The following AZI2 variants were observed in gnomAD, a reference collection of about 807,000 sequenced individuals.
AZI2 encodes the protein 5-azacytidine-induced protein 2.
In AZI2, 22 loss-of-function variants were observed where a neutral mutation model predicts 45.8. The ratio of observed to expected loss-of-function variants is 0.48; its 90% CI spans 0.34 to 0.69. The LOEUF (loss-of-function observed/expected upper bound fraction) is 0.69. Among genes scored for constraint, AZI2 ranks in the 30% least tolerant of loss-of-function variants. The pLI, the probability that AZI2 is intolerant of heterozygous loss-of-function variation, is 0.01. For synonymous variants in AZI2, 137 were observed against 156.7 expected (o/e 0.87, Z 0.94); for missense variants, 417 against 441.5 (o/e 0.94, Z 0.50).
chr3:28,337,739 A>G (rs187698774), intron 4 of AZI2, among the ~76,000 whole-genome samples, 198 bp downstream of exon 4: 50 of 152,296 alleles, frequency 3.3e-4, no homozygotes, highest in African/African-American at 8.9e-4. Context: ...TTCTCTAGGA[A>G]AAGTGCAATA....
chr3:28,346,816 T>C (rs1704252469), intron 1 of AZI2, among the ~76,000 whole-genome samples: 1 of 152,200 alleles, frequency 6.6e-6, no homozygotes, highest in South Asian at 2.1e-4. Flanking sequence ...CAAGTACCTC[T>C]TTTCAAAACA....
rs1703173368 is a variant in AZI2, at chr3:28,321,077, ATTTTAC to A, written c.*2959_*2964del. Reference sequence around the variant, plus strand: ...TCTTGAGTGAACCACTCAAAAAACTATTTTACTTTTATTTGAAATACAAAGAAACCA... The same window carrying A: ...TCTTGAGTGAACCACTCAAAAAACTATTTTATTTGAAATACAAAGAAACCA... On this transcript the variant is annotated 3_prime_UTR_variant, in exon 8 of 8. Coordinates refer to ENST00000479665, the MANE Select transcript of AZI2 (RefSeq NM_022461.5). 6.6e-6 allele frequency: 1 copy of A among 151,416 alleles called. No homozygotes were observed. The highest frequency in any genetic ancestry group is 1.5e-5 in the Non-Finnish European group (1 of 67,596). The allele number at this position is 151,416 out of a possible 1,614,324, so 9.4% of individuals were successfully genotyped here.
At chr3:28,339,863 T>C (rs1468274064) in intron 2 of AZI2, among the ~76,000 whole-genome samples, 1 of 151,880 alleles carries the variant, frequency 6.6e-6, no homozygotes, top group Non-Finnish European at 1.5e-5. Context: ...TCAGCTACCT[T>C]ACTTATATAT....
In AZI2 at chr3:28,340,492, G is replaced by C. The variant is rs1419907710; in HGVS notation, c.126C>G (p.Val42=). 35 of 1,612,908 alleles carry C rather than the reference G, an allele frequency of 2.2e-5. No homozygotes were observed. Among genetic ancestry groups the C allele is most frequent in the Non-Finnish European group, 3.0e-5 (35 of 1,179,270 alleles). The change falls in exon 2 of 8, where the codon GTC becomes GTG. Residue 42 remains valine, a synonymous_variant. Coordinates refer to ENST00000479665, the MANE Select transcript of AZI2 (RefSeq NM_022461.5). ...DESVASHFAL[V]TAYEDIKKRL... ...GTTTTTTGATGTCTTCATATGCAGT[G>C]ACAAGAGCAAAATGGGAAGCAACAG...
chr3:28,344,079 G>A (rs762866538), intron 1 of AZI2, among the ~76,000 whole-genome samples: 9 of 151,900 alleles, frequency 5.9e-5, no homozygotes, highest in Non-Finnish European at 1.2e-4. Context: ...CTTAGAATAC[G>A]CGGAAAAGCA....
chr3:28,347,010 T>G (rs1019414030), intron 1 of AZI2, among the ~76,000 whole-genome samples: 6 of 152,194 alleles, frequency 3.9e-5, no homozygotes, highest in African/African-American at 2.4e-5. Context: ...TCAAGACTCT[T>G]CCAGAGTTAG....
In AZI2 at chr3:28,323,876, CAACT is replaced by C; in HGVS notation, c.*162_*165del. The C allele has an allele frequency of 1.4e-6, 1 of 690,820 alleles. No individual in the cohort carries two copies. Among genetic ancestry groups the C allele is most frequent in the Non-Finnish European group, 2.3e-6 (1 of 437,232 alleles). 42.8% of individuals were successfully genotyped at this position (690,820 alleles called of 1,614,324 possible). A position where few individuals can be genotyped will look rare whatever the true frequency, so the allele number is the denominator to read the frequency against. ...AGGGTGCTCTTTCATACTAGAAAAC[CAACT>C]ATGTTGGTTTTTGTACTATTGTACA... On this transcript the variant is annotated 3_prime_UTR_variant, in exon 8 of 8. Coordinates refer to ENST00000479665, the MANE Select transcript of AZI2 (RefSeq NM_022461.5).
intron 4 of AZI2, 67 bp from the exon 5 acceptor site, chr3:28,336,952 A>T: frequency 2.0e-6 from 3 of 1,502,578 alleles, no homozygotes; most frequent in Non-Finnish European, 2.7e-6. Flanking sequence ...TCTTAAAAAT[A>T]GGTTATTCTG....
intron 6 of AZI2, among the ~76,000 whole-genome samples, chr3:28,327,368 GTT>G (rs1703425391): frequency 6.6e-6 from 1 of 150,900 alleles, no homozygotes; most frequent in African/African-American, 2.4e-5. Context: ...TCTTTTGATT[GTT>G]TTGACACTGT....
At chr3:28,333,868 C>T (rs1703684862) in intron 5 of AZI2, among the ~76,000 whole-genome samples, 1 of 151,294 alleles carries the variant, frequency 6.6e-6, no homozygotes, top group Admixed American at 6.6e-5. Context: ...ATAGCAGAAC[C>T]TTTAATATAC....
chr3:28,332,065 T>C (rs1703600779), intron 6 of AZI2: 2 of 674,892 alleles, frequency 3.0e-6, no homozygotes. Flanking sequence ...TGAATAATTC[T>C]TCATGTACAA....
chr3:28,323,901 G>A lies in AZI2; in HGVS notation c.*141C>T, dbSNP rs925141771. On this transcript the variant is annotated 3_prime_UTR_variant, in exon 8 of 8. Coordinates refer to ENST00000479665, the MANE Select transcript of AZI2 (RefSeq NM_022461.5). ...CAACTATGTTGGTTTTTGTACTATTGTACAGTGTGTTCAAATATAGATACT... is the reference window on the plus strand; with the variant it reads ...CAACTATGTTGGTTTTTGTACTATTATACAGTGTGTTCAAATATAGATACT... 5 of 932,556 alleles carry A rather than the reference G, an allele frequency of 5.4e-6. No homozygotes were observed. The African/African-American group carries it at 6.8e-5, about 13-fold the overall frequency. 57.8% of individuals were successfully genotyped at this position (932,556 alleles called of 1,614,324 possible).
At position 28,321,820 on chromosome 3, in the gene AZI2, T is replaced by C. The variant is rs540357298; in HGVS notation, c.*2222A>G. 1 of 151,466 alleles carries C rather than the reference T, an allele frequency of 6.6e-6. No individual in the cohort carries two copies. Among genetic ancestry groups the C allele is most frequent in the South Asian group, 2.1e-4 (1 of 4,830 alleles). The allele number at this position is 151,466 out of a possible 1,614,324, so 9.4% of individuals were successfully genotyped here. A position where few individuals can be genotyped will look rare whatever the true frequency, so the allele number is the denominator to read the frequency against. On this transcript the variant is annotated 3_prime_UTR_variant, in exon 8 of 8. Transcript: ENST00000479665. Reference sequence around the variant, plus strand: ...TAAGTCTTACAGATGTAAATTTTACTTTAGCTAATAAGGGAGCAAGAGGAA... The same window carrying C: ...TAAGTCTTACAGATGTAAATTTTACCTTAGCTAATAAGGGAGCAAGAGGAA...
intron 1 of AZI2, among the ~76,000 whole-genome samples, chr3:28,344,730 TGA>T: frequency 6.6e-6 from 1 of 152,238 alleles, no homozygotes; most frequent in South Asian, 2.1e-4. Context: ...AACATTATAC[TGA>T]GTCTTATTTA....
intron 1 of AZI2, among the ~76,000 whole-genome samples, chr3:28,342,913 A>G (rs1332372093): frequency 6.6e-6 from 1 of 152,008 alleles, no homozygotes; most frequent in African/African-American, 2.4e-5. Flanking sequence ...GATTTTTTCT[A>G]AAGACAGCTG....
chr3:28,333,949 AT>A (rs1480621568), intron 5 of AZI2, among the ~76,000 whole-genome samples: 3 of 150,892 alleles, frequency 2.0e-5, no homozygotes, highest in Non-Finnish European at 3.0e-5. Flanking sequence ...AACCAACTTA[AT>A]TTTACTGATC....
intron 1 of AZI2, among the ~76,000 whole-genome samples, chr3:28,346,069 A>G (rs1704212473): frequency 1.3e-5 from 2 of 152,146 alleles, no homozygotes; most frequent in East Asian, 1.9e-4. Context: ...CAAAGGTGAG[A>G]TGTGAACCTA....
intron 1 of AZI2, among the ~76,000 whole-genome samples, chr3:28,342,711 G>GCACACACA (rs71087691): frequency 1.4e-4 from 21 of 147,580 alleles, no homozygotes; most frequent in African/African-American, 2.2e-4. Context: ...TCTTACACAT[G>GCACACACA]CACACACACA....
rs921593200 is a variant in AZI2 at position 28,322,680 on chromosome 3, G to C, written c.*1362C>G. 6.6e-6 allele frequency: 1 copy of C among 151,586 alleles called. No homozygotes were observed. Among genetic ancestry groups the C allele is most frequent in the African/African-American group, 2.4e-5 (1 of 41,310 alleles). 9.4% of individuals were successfully genotyped at this position (151,586 alleles called of 1,614,324 possible). ...GAGATTGTACTCCCCTGAGTCAGCT[G>C]TGTTCATTGGTCAGAATAAATTCCA... On this transcript the variant is annotated 3_prime_UTR_variant, in exon 8 of 8. Transcript: ENST00000479665.
Sources: allele counts gnomAD v4.1 joint callset (sites outside exome capture counted in the v4.1 genomes callset), GRCh38; gene constraint gnomAD v4.1.1; transcripts MANE v1.5; gene names NCBI Gene and HGNC (gene_info 2026-07-23, HGNC 2026-07-21).